The following ABCA1 variants were observed in gnomAD, a reference collection of about 807,000 sequenced individuals.
ABCA1 encodes the protein ATP binding cassette subfamily A member 1.
ABCA1 carries 133 observed loss-of-function variants against 262.5 expected under a neutral mutation model. The observed-to-expected ratio is 0.51, with a 90% confidence interval of 0.44 to 0.59. The LOEUF (loss-of-function observed/expected upper bound fraction) is 0.59, where lower values mean the gene tolerates loss of function less well. ABCA1 is among the 20% of genes least tolerant of loss of function. The probability of loss-of-function intolerance (pLI) is 0.00; values close to 1 mark genes in which losing one functional copy is unlikely to be tolerated. For missense variants in ABCA1, 2,452 were observed against 2,777.5 expected, an observed-to-expected ratio of 0.88 and a Z score of 2.63; for synonymous variants, 1,022 against 1,043.5, an observed-to-expected ratio of 0.98 and a Z score of 0.40.
At chr9:104,923,000 A>C (rs895828344) in intron 1 of ABCA1, among the ~76,000 whole-genome samples, 1 of 152,214 alleles carries the variant, frequency 6.6e-6, no homozygotes, top group Non-Finnish European at 1.5e-5. Context: ...TACAACAATG[A>C]GCCAGTGCAC....
intron 7 of ABCA1, among the ~76,000 whole-genome samples, chr9:104,847,856 A>G (rs1200708056): frequency 6.6e-6 from 1 of 152,260 alleles, no homozygotes; most frequent in Non-Finnish European, 1.5e-5. Flanking sequence ...CATGATATGC[A>G]TAATAGGTTG....
chr9:104,849,440 ATGAGTAATAAGG>A (rs763973171), intron 7 of ABCA1, among the ~76,000 whole-genome samples: 4 of 152,230 alleles, frequency 2.6e-5, no homozygotes, highest in Non-Finnish European at 5.9e-5. Context: ...GAACCCACCC[ATGAGTAATAAGG>A]TAGAACAGTC....
At chr9:104,813,302 T>G (rs1831442800) in intron 27 of ABCA1, among the ~76,000 whole-genome samples, 1 of 152,274 alleles carries the variant, frequency 6.6e-6, no homozygotes, top group African/African-American at 2.4e-5. Flanking sequence ...CCTAAACTAA[T>G]GATACCTAAC....
At chr9:104,896,534 A>G (rs968636005) in intron 2 of ABCA1, among the ~76,000 whole-genome samples, 2 of 152,030 alleles carry the variant, frequency 1.3e-5, no homozygotes, top group African/African-American at 2.4e-5. Context: ...GGGAAAAAAC[A>G]GATAAAAATA....
intron 2 of ABCA1, among the ~76,000 whole-genome samples, chr9:104,896,596 C>T (rs1054577270): frequency 1.3e-5 from 2 of 151,804 alleles, no homozygotes; most frequent in Admixed American, 6.6e-5. Flanking sequence ...ATGAGCTCCC[C>T]CATATATCAG....
intron 7 of ABCA1, chr9:104,855,046 A>G: frequency 1.6e-6 from 1 of 630,532 alleles, no homozygotes; most frequent in South Asian, 7.2e-5. Flanking sequence ...ATTAATTTTC[A>G]CACAAGGTAC....
intron 1 of ABCA1, among the ~76,000 whole-genome samples, chr9:104,925,130 G>A (rs1365897004): frequency 2.0e-5 from 3 of 152,184 alleles, no homozygotes; most frequent in African/African-American, 7.2e-5. Flanking sequence ...TGTAATCCCA[G>A]CACTTTGGGA....
chr9:104,864,067 T>C (rs772513230), intron 5 of ABCA1, among the ~76,000 whole-genome samples: 1 of 152,188 alleles, frequency 6.6e-6, no homozygotes, highest in Non-Finnish European at 1.5e-5. Context: ...TTTACTTGCA[T>C]GTTGTCTCTA....
At chr9:104,818,588 G>T in intron 23 of ABCA1, 75 bp downstream of exon 23, 1 of 1,394,696 alleles carries the variant, frequency 7.2e-7, no homozygotes, top group Non-Finnish European at 1.0e-6. Flanking sequence ...GGGTGGAGAT[G>T]GAGAAATCAT....
intron 22 of ABCA1, 89 bp downstream of exon 22, chr9:104,819,497 G>A (rs1832084653): frequency 6.3e-7 from 1 of 1,577,830 alleles, no homozygotes; most frequent in East Asian, 2.2e-5. Flanking sequence ...TGGCTTCACA[G>A]AAGCCTAGCC....
chr9:104,856,025 C>T (rs775919965), intron 7 of ABCA1: 36 of 1,612,666 alleles, frequency 2.2e-5, no homozygotes, highest in Non-Finnish European at 3.0e-5. Context: ...CCGGTTGCTG[C>T]TACTGCTGCA....
At chr9:104,792,347 T>A (rs1307103066) in intron 42 of ABCA1, among the ~76,000 whole-genome samples, 1 of 152,180 alleles carries the variant, frequency 6.6e-6, no homozygotes, top group Admixed American at 6.5e-5. Flanking sequence ...ATAAAAATAT[T>A]GCAAATACTG....
rs759250297 is a variant in ABCA1, at chr9:104,824,622, A to C, written c.2543-44T>G. ...TATGAGCCAAGCTCAGCATCATCCCAGTATTCTGAGGGTTTCCCAGCCAGG... is the reference window on the plus strand; with the variant it reads ...TATGAGCCAAGCTCAGCATCATCCCCGTATTCTGAGGGTTTCCCAGCCAGG... On this transcript the variant is annotated intron_variant, in intron 17 of 49. Coordinates refer to ENST00000374736, the MANE Select transcript of ABCA1 (RefSeq NM_005502.4). The C allele has an allele frequency of 1.9e-6, 3 of 1,607,844 alleles. No homozygotes were observed. In the Admixed American group the frequency reaches 5.0e-5, roughly 27 times the overall value.
At chr9:104,854,401 T>C (rs1342193743) in intron 7 of ABCA1, among the ~76,000 whole-genome samples, 14 of 151,960 alleles carry the variant, frequency 9.2e-5, no homozygotes, top group Admixed American at 9.2e-4. Flanking sequence ...CCTTATGAAA[T>C]AATAAATGTA....
chr9:104,909,282 G>A (rs79478017), intron 1 of ABCA1, among the ~76,000 whole-genome samples: 3 of 152,302 alleles, frequency 2.0e-5, no homozygotes, highest in Non-Finnish European at 4.4e-5. Flanking sequence ...AACAACAGAA[G>A]CAAAGTTCCT....
At chr9:104,799,529 CTTATAA>C (rs1830162575) in intron 36 of ABCA1, 1 of 981,444 alleles carries the variant, frequency 1.0e-6, no homozygotes, top group African/African-American at 1.8e-5. Context: ...TGATTAAACA[CTTATAA>C]TTAAATTATA....
At chr9:104,807,877 T>C (rs7027801) in intron 30 of ABCA1, among the ~76,000 whole-genome samples, 16,640 of 132,226 alleles carry the variant, frequency 0.13, 1,181 homozygotes, top group African/African-American at 0.26. Flanking sequence ...CACACACACA[T>C]ATATATATTA....
chr9:104,874,436 G>C (rs1266849440), intron 5 of ABCA1, among the ~76,000 whole-genome samples: 1 of 152,140 alleles, frequency 6.6e-6, no homozygotes, highest in African/African-American at 2.4e-5. Context: ...CTGGTGGTAA[G>C]TGCCTGTAAT....
At chr9:104,803,415 C>T (rs552388647) in intron 32 of ABCA1, 99 bp from the exon 33 acceptor site, 63 of 1,234,864 alleles carry the variant, frequency 5.1e-5, no homozygotes, top group African/African-American at 3.6e-4. Flanking sequence ...ATATAAGGAA[C>T]GGACAGAAAT....
Sources: allele counts gnomAD v4.1 joint callset (sites outside exome capture counted in the v4.1 genomes callset), GRCh38; gene constraint gnomAD v4.1.1; transcripts MANE v1.5; gene names NCBI Gene and HGNC (gene_info 2026-07-23, HGNC 2026-07-21).